Variants in ANKFN1 observed in about 807,000 individuals in gnomAD.
The protein encoded by ANKFN1 is ankyrin repeat and fibronectin type-III domain-containing protein 1.
A neutral mutation model predicts 108.7 loss-of-function variants in ANKFN1; 74 were observed. The ratio of observed to expected loss-of-function variants is 0.68; its 90% CI spans 0.56 to 0.83. The LOEUF is 0.83. ANKFN1 is among the 40% of genes least tolerant of loss of function. ANKFN1 has a pLI of 0.00. For missense variants in ANKFN1, 1,505 were observed against 1,382.3 expected (o/e 1.09, Z -1.41); for synonymous variants, 547 against 516.2 (o/e 1.06, Z -0.81).
intron 3 of ANKFN1, among the ~76,000 whole-genome samples, chr17:56,276,661 T>A (rs539515621): frequency 6.6e-6 from 1 of 152,366 alleles, no homozygotes; most frequent in Non-Finnish European, 1.5e-5. Flanking sequence ...TTTTGAGAAG[T>A]GTCTGTTCAT....
At position 56,443,274 on chromosome 17, in the gene ANKFN1, C is replaced by T. The variant is rs150494077; in HGVS notation, c.1099+341C>T. Among the ~76,000 whole-genome samples the T allele has an allele frequency of 8.9e-4, 135 of 152,282 alleles. 1 individual carries two copies. The highest frequency in any genetic ancestry group is 1.5e-3 in the Non-Finnish European group (104 of 68,028). On this transcript the variant is annotated intron_variant, in intron 10 of 20. Transcript: ENST00000682825. Reference sequence around the variant, plus strand: ...TGGGGAGGCTGAGGCAGGAAGATCTCTTGAGCCTAGGAGTCAGAGAGTTCG... The same window carrying T: ...TGGGGAGGCTGAGGCAGGAAGATCTTTTGAGCCTAGGAGTCAGAGAGTTCG...
At chr17:56,089,517 G>T (rs941985941) in intron 4 of ANKFN1, among the ~76,000 whole-genome samples, 1 of 151,416 alleles carries the variant, frequency 6.6e-6, no homozygotes, top group Non-Finnish European at 1.5e-5. Context: ...ATGAATTAAA[G>T]AGATTATTTT....
intron 4 of ANKFN1, among the ~76,000 whole-genome samples, chr17:56,067,347 G>T (rs1173287531): frequency 2.0e-5 from 3 of 152,004 alleles, no homozygotes; most frequent in Non-Finnish European, 4.4e-5. Flanking sequence ...AATTATATGA[G>T]TACTTCATAT....
chr17:56,310,481 G>T (rs2044985042), intron 3 of ANKFN1, among the ~76,000 whole-genome samples: 3 of 152,094 alleles, frequency 2.0e-5, no homozygotes, highest in Admixed American at 6.5e-5. Context: ...GCCAGATGTG[G>T]TGGCAGGTGC....
chr17:56,435,920 C>G (rs963059384), intron 8 of ANKFN1, among the ~76,000 whole-genome samples: 1 of 152,014 alleles, frequency 6.6e-6, no homozygotes, highest in Non-Finnish European at 1.5e-5. Flanking sequence ...TGAAATTTAC[C>G]TAAACTTTAT....
At chr17:56,315,440 A>C (rs1476261757) in intron 3 of ANKFN1, among the ~76,000 whole-genome samples, 1 of 152,198 alleles carries the variant, frequency 6.6e-6, no homozygotes, top group Non-Finnish European at 1.5e-5. Context: ...TCCCCTTTCA[A>C]ACTAAGAGAA....
chr17:56,222,550 A>G (rs1915962646), intron 2 of ANKFN1, among the ~76,000 whole-genome samples: 1 of 152,240 alleles, frequency 6.6e-6, no homozygotes, highest in African/African-American at 2.4e-5. Flanking sequence ...CTAAAAGAGT[A>G]TAATGCAAAT....
chr17:56,485,964 TTAAG>T (rs2145393532), intron 18 of ANKFN1, among the ~76,000 whole-genome samples: 1 of 152,276 alleles, frequency 6.6e-6, no homozygotes, highest in Admixed American at 6.5e-5. Context: ...GGACTACAAT[TTAAG>T]TAGTATTGCC....
chr17:56,260,400 C>T (rs2043477946), intron 3 of ANKFN1, among the ~76,000 whole-genome samples: 1 of 150,538 alleles, frequency 6.6e-6, no homozygotes, highest in South Asian at 2.1e-4. Context: ...TATTAAAAAT[C>T]GGTGGTGGTG....
intron 6 of ANKFN1, among the ~76,000 whole-genome samples, chr17:56,357,343 A>G (rs1233477010): frequency 5.3e-5 from 8 of 152,212 alleles, no homozygotes; most frequent in Admixed American, 5.2e-4. Flanking sequence ...GGAACTTGTG[A>G]TTCTGAGAAG....
intron 20 of ANKFN1, among the ~76,000 whole-genome samples, chr17:56,499,507 C>T (rs562145060): frequency 4.6e-5 from 7 of 152,050 alleles, no homozygotes; most frequent in East Asian, 1.9e-4. Flanking sequence ...CTGACAAGAA[C>T]GAGGCAGGAA....
intron 3 of ANKFN1, among the ~76,000 whole-genome samples, chr17:56,230,014 G>A (rs976846000): frequency 1.3e-5 from 2 of 152,052 alleles, no homozygotes; most frequent in African/African-American, 4.8e-5. Context: ...TTGACTTTTT[G>A]TCCTAATGAT....
At chr17:56,417,920 C>T (rs999817504) in intron 8 of ANKFN1, among the ~76,000 whole-genome samples, 2 of 152,144 alleles carry the variant, frequency 1.3e-5, no homozygotes, top group Admixed American at 6.5e-5. Flanking sequence ...AGGATGAGCA[C>T]TTCTGGGATG....
intron 15 of ANKFN1, among the ~76,000 whole-genome samples, chr17:56,468,838 G>C (rs2050218781): frequency 6.6e-6 from 1 of 152,310 alleles, no homozygotes; most frequent in African/African-American, 2.4e-5. Flanking sequence ...TTGTGTGAAG[G>C]AGGTGGGGGC....
chr17:56,252,532 T>C (rs779951548), intron 3 of ANKFN1, among the ~76,000 whole-genome samples: 1 of 151,958 alleles, frequency 6.6e-6, no homozygotes, highest in Non-Finnish European at 1.5e-5. Flanking sequence ...CCTACCACTC[T>C]TGGGAGTCCC....
Position 56,511,004 on chromosome 17 carries a change from A to G in ANKFN1, c.3176A>G (p.Asp1059Gly). The G allele has an allele frequency of 6.5e-7, 1 of 1,535,968 alleles. No homozygotes were observed. Among genetic ancestry groups the G allele is most frequent in the Non-Finnish European group, 8.7e-7 (1 of 1,146,860 alleles). The change falls in exon 21 of 21, where the codon GAT (aspartate) becomes GGT (glycine). Residue 1059 changes from aspartate to glycine, a missense_variant. Coordinates refer to ENST00000682825, the MANE Select transcript of ANKFN1 (RefSeq NM_001370326.1). ...KEAKRAGPAL[D>G]DPRGLTLAHA... ...GCCAAGCGGGCCGGCCCTGCCCTTG[A>G]TGATCCCAGGGGCCTAACTCTGGCC...
At position 56,496,762 on chromosome 17, in the gene ANKFN1, C is replaced by T. The variant is rs574546592; in HGVS notation, c.2428-2120C>T. ...TTGCCATATAAAGTAATATTTACTT[C>T]GTATCATATCAAATAATATTCACAG... On this transcript the variant is annotated intron_variant, in intron 19 of 20. Transcript: ENST00000682825. 5.3e-5 allele frequency among the ~76,000 whole-genome samples: 8 copies of T among 152,118 alleles called. No individual in the cohort carries two copies. In the South Asian group the frequency reaches 8.3e-4, roughly 16 times the overall value.
intron 11 of ANKFN1, among the ~76,000 whole-genome samples, chr17:56,450,038 G>T (rs931048619): frequency 6.6e-6 from 1 of 152,152 alleles, no homozygotes; most frequent in South Asian, 2.1e-4. Context: ...TTTATTTGGA[G>T]AATTAAAGCC....
At chr17:56,501,031 T>C (rs2051352062) in intron 20 of ANKFN1, among the ~76,000 whole-genome samples, 1 of 152,136 alleles carries the variant, frequency 6.6e-6, no homozygotes, top group African/African-American at 2.4e-5. Context: ...CAGAGACCTA[T>C]CTGGAAAGAT....
Sources: allele counts gnomAD v4.1 joint callset (sites outside exome capture counted in the v4.1 genomes callset), GRCh38; gene constraint gnomAD v4.1.1; transcripts MANE v1.5; gene names NCBI Gene and HGNC (gene_info 2026-07-23, HGNC 2026-07-21).